Variants in RIMS2 observed in about 807,000 individuals in gnomAD.
RIMS2 encodes the protein regulating synaptic membrane exocytosis protein 2.
RIMS2 carries 59 observed loss-of-function variants against 174.4 expected under a neutral mutation model. The ratio of observed to expected loss-of-function variants is 0.34; its 90% CI spans 0.27 to 0.42. RIMS2 has a LOEUF of 0.42. RIMS2 is among the 10% of genes least tolerant of loss of function. The probability of loss-of-function intolerance (pLI) is 1.00; values close to 1 mark genes in which losing one functional copy is unlikely to be tolerated. For missense variants in RIMS2, 1,620 were observed against 1,666.3 expected (o/e 0.97, Z 0.48); for synonymous variants, 606 against 572.5 (o/e 1.06, Z -0.84).
At chr8:104,249,459 C>A (rs939054249) in intron 21 of RIMS2, 28 bp from the exon 28 acceptor site, 2 of 1,236,842 alleles carry the variant, frequency 1.6e-6, no homozygotes, top group Non-Finnish European at 2.4e-6. Context: ...TATATTAAAG[C>A]ACATTTGTTC....
At chr8:103,943,064 A>C in intron 14 of RIMS2, 138 bp downstream of exon 16, 1 of 642,890 alleles carries the variant, frequency 1.6e-6, no homozygotes, top group South Asian at 2.8e-5. Context: ...GAATTGTTTG[A>C]AAACAATTGT....
Position 104,083,655 on chromosome 8 carries a change from C to T in RIMS2, c.3334+69040C>T, listed in dbSNP as rs1056707698. Among the ~76,000 whole-genome samples the T allele has an allele frequency of 5.3e-5, 8 of 152,220 alleles. No individual in the cohort carries two copies. The South Asian group carries it at 8.3e-4, about 16-fold the overall frequency. On this transcript the variant is annotated intron_variant, in intron 19 of 23. Coordinates refer to ENST00000504942, the Ensembl canonical transcript of RIMS2. ...GAGAAGCATTTAGTCATAATAAAAA[C>T]ATAAGGGCTTTAAACTGGGTGCATT...
At chr8:103,755,850 T>C (rs2097990883) in intron 2 of RIMS2, among the ~76,000 whole-genome samples, 1 of 152,210 alleles carries the variant, frequency 6.6e-6, no homozygotes, top group South Asian at 2.1e-4. Context: ...GGTTCTTATC[T>C]TCCTTGCATT....
At chr8:103,838,981 C>T (rs566502321) in intron 3 of RIMS2, among the ~76,000 whole-genome samples, 9 of 152,236 alleles carry the variant, frequency 5.9e-5, no homozygotes, top group Admixed American at 1.3e-4. Flanking sequence ...AAGAGAACGG[C>T]GTGAACCCGG....
At chr8:103,623,677 G>A (rs562304254) in intron 1 of RIMS2, among the ~76,000 whole-genome samples, 1 of 151,724 alleles carries the variant, frequency 6.6e-6, no homozygotes, top group Non-Finnish European at 1.5e-5. Context: ...TTTTAGTAGA[G>A]ACGGGGTTTC....
At chr8:104,050,028 AAGAC>A (rs1369402340) in intron 19 of RIMS2, among the ~76,000 whole-genome samples, 1 of 152,196 alleles carries the variant, frequency 6.6e-6, no homozygotes, top group Non-Finnish European at 1.5e-5. Context: ...ATAACATTCC[AAGAC>A]AGACTATTAA....
intron 19 of RIMS2, among the ~76,000 whole-genome samples, chr8:104,112,502 G>A (rs188313182): frequency 1.3e-5 from 2 of 152,088 alleles, no homozygotes; most frequent in East Asian, 1.9e-4. Context: ...TGTGTCATGG[G>A]ATGTTAACCG....
chr8:103,643,805 A>G (rs2096274828), intron 1 of RIMS2, among the ~76,000 whole-genome samples: 1 of 151,898 alleles, frequency 6.6e-6, no homozygotes, highest in African/African-American at 2.4e-5. Flanking sequence ...TCTGTCAATG[A>G]GCTTGAGTTG....
chr8:103,997,300 A>C (rs1467328252), intron 17 of RIMS2, among the ~76,000 whole-genome samples: 1 of 151,832 alleles, frequency 6.6e-6, no homozygotes, highest in Admixed American at 6.6e-5. Context: ...TATGGGAAGC[A>C]GGATTACAAG....
chr8:103,550,857 A>T (rs1847485830), intron 1 of RIMS2, among the ~76,000 whole-genome samples: 1 of 150,590 alleles, frequency 6.6e-6, no homozygotes, highest in Non-Finnish European at 1.5e-5. Flanking sequence ...GAAAATCTAG[A>T]AGAAATGGAT....
intron 19 of RIMS2, among the ~76,000 whole-genome samples, chr8:104,133,130 T>C (rs2098486285): frequency 6.6e-6 from 1 of 152,228 alleles, no homozygotes; most frequent in African/African-American, 2.4e-5. Context: ...GCAAACTTCA[T>C]AACCTTTCTG....
intron 17 of RIMS2, among the ~76,000 whole-genome samples, chr8:103,995,328 G>T (rs959340548): frequency 1.3e-5 from 2 of 152,090 alleles, no homozygotes; most frequent in African/African-American, 4.8e-5. Context: ...ATTTTAAAAT[G>T]TTGAAGACTG....
chr8:103,507,569 G>A (rs1156451412), intron 1 of RIMS2, among the ~76,000 whole-genome samples: 2 of 152,034 alleles, frequency 1.3e-5, no homozygotes, highest in Non-Finnish European at 2.9e-5. Flanking sequence ...TGCTTATGTA[G>A]TAGTGTCCTT....
chr8:103,732,182 G>T (rs2097607352), intron 2 of RIMS2, among the ~76,000 whole-genome samples: 2 of 152,220 alleles, frequency 1.3e-5, no homozygotes, highest in African/African-American at 2.4e-5. Context: ...TTAATGCTGT[G>T]ACTCTAACAG....
rs57373743 is a variant in RIMS2, at chr8:104,190,935, G to GT, written c.3335-53969dup. Among the ~76,000 whole-genome samples the GT allele has an allele frequency of 2.8e-3, 409 of 144,522 alleles. 5 individuals carry two copies. The highest frequency in any genetic ancestry group is 0.014 in the South Asian group (64 of 4,584). 94.8% of individuals were successfully genotyped at this position (144,522 alleles called of 152,430 possible). ...ACAAATTTAATTCTTCTCTTTTTTT[G>GT]TTTTTTTTTTTTGTTTGCTTCAATC... On this transcript the variant is annotated intron_variant, in intron 19 of 23. Transcript: ENST00000504942.
chr8:103,567,352 A>G (rs1272998171), intron 1 of RIMS2, among the ~76,000 whole-genome samples: 1 of 152,112 alleles, frequency 6.6e-6, no homozygotes, highest in Non-Finnish European at 1.5e-5. Flanking sequence ...TCTGGCAACC[A>G]CTAATCTCTT....
downstream of RIMS2, chr8:104,254,299 T>G (rs1444230806): frequency 6.6e-6 from 1 of 152,162 alleles, no homozygotes; most frequent in African/African-American, 2.4e-5. Context: ...ACATAGTATG[T>G]TTGAAAAGTA....
chr8:104,222,915 T>G (rs761702829), intron 19 of RIMS2, among the ~76,000 whole-genome samples: 2 of 152,208 alleles, frequency 1.3e-5, no homozygotes, highest in Non-Finnish European at 2.9e-5. Flanking sequence ...TTATCATTTT[T>G]AACAAAGAGA....
chr8:104,094,654 T>G (rs9969594), intron 19 of RIMS2: 152,598 of 701,160 alleles, frequency 0.22, 18,051 homozygotes, highest in South Asian at 0.34. Flanking sequence ...ACACAAGATA[T>G]ACACGAGCAA....
Sources: allele counts gnomAD v4.1 joint callset (sites outside exome capture counted in the v4.1 genomes callset), GRCh38; gene constraint gnomAD v4.1.1; transcripts MANE v1.5; gene names NCBI Gene and HGNC (gene_info 2026-07-23, HGNC 2026-07-21).